Variants in PTPRG observed in about 807,000 individuals in gnomAD.
PTPRG encodes protein tyrosine phosphatase receptor type G.
PTPRG carries 102 observed loss-of-function variants against 165.3 expected under a neutral mutation model. That is an observed-to-expected ratio of 0.62 (90% CI 0.53 to 0.73). The LOEUF (loss-of-function observed/expected upper bound fraction) is 0.73. Among genes scored for constraint, PTPRG ranks in the 30% least tolerant of loss-of-function variants. PTPRG has a pLI of 0.00. For missense variants in PTPRG, 1,866 were observed against 1,861.4 expected (o/e 1.00, Z -0.05); for synonymous variants, 675 against 669.5 (o/e 1.01, Z -0.13).
chr3:62,287,499 T>C (rs1243830469), intron 28 of PTPRG, among the ~76,000 whole-genome samples: 1 of 151,868 alleles, frequency 6.6e-6, no homozygotes, highest in Admixed American at 6.6e-5. Context: ...GAAAATACAT[T>C]AATTCATGAA....
intron 1 of PTPRG, among the ~76,000 whole-genome samples, chr3:61,691,969 G>A (rs141530172): frequency 1.9e-3 from 287 of 152,240 alleles, no homozygotes; most frequent in African/African-American, 1.3e-3. Context: ...ATACATTTTC[G>A]GTTGCAGAGA....
At chr3:61,905,246 G>T (rs2038612201) in intron 2 of PTPRG, among the ~76,000 whole-genome samples, 1 of 152,178 alleles carries the variant, frequency 6.6e-6, no homozygotes, top group African/African-American at 2.4e-5. Context: ...GTAAACTGAG[G>T]TTAGGGACAT....
chr3:62,111,410 T>C (rs1173309894), intron 5 of PTPRG, among the ~76,000 whole-genome samples: 1 of 152,192 alleles, frequency 6.6e-6, no homozygotes, highest in African/African-American at 2.4e-5. Flanking sequence ...TTTAACATAA[T>C]AAAGGCTCTC....
At chr3:62,182,764 A>C (rs867221672) in intron 8 of PTPRG, among the ~76,000 whole-genome samples, 2 of 152,134 alleles carry the variant, frequency 1.3e-5, no homozygotes, top group Middle Eastern at 3.2e-3. Context: ...GGTTCAAGCA[A>C]TTCTGCCTCA....
At chr3:61,687,718 C>A (rs1398428813) in intron 1 of PTPRG, among the ~76,000 whole-genome samples, 1 of 152,212 alleles carries the variant, frequency 6.6e-6, no homozygotes, top group Non-Finnish European at 1.5e-5. Flanking sequence ...TAGACAAATT[C>A]TTTACATGCC....
chr3:61,728,427 TA>T (rs1443657137), intron 1 of PTPRG, among the ~76,000 whole-genome samples: 7 of 152,002 alleles, frequency 4.6e-5, no homozygotes, highest in African/African-American at 1.7e-4. Flanking sequence ...ACAAAAAAAT[TA>T]AAAAATTAGT....
chr3:61,993,200 G>T (rs1438222106), intron 3 of PTPRG, among the ~76,000 whole-genome samples: 9 of 148,488 alleles, frequency 6.1e-5, no homozygotes, highest in Middle Eastern at 3.2e-3. Context: ...AGTTTTTTTT[G>T]TTGTTGTTTG....
At chr3:62,188,728 C>T (rs1029707556) in intron 8 of PTPRG, among the ~76,000 whole-genome samples, 2 of 152,152 alleles carry the variant, frequency 1.3e-5, no homozygotes, top group African/African-American at 4.8e-5. Context: ...GAGAGGGATG[C>T]TTCCCCATAC....
At chr3:62,239,608 C>T (rs549118104) in intron 14 of PTPRG, among the ~76,000 whole-genome samples, 1 of 152,042 alleles carries the variant, frequency 6.6e-6, no homozygotes, top group Non-Finnish European at 1.5e-5. Context: ...GATCCACCCA[C>T]CTCGGCCTCC....
chr3:61,681,519 A>G (rs547606421), intron 1 of PTPRG, among the ~76,000 whole-genome samples: 28 of 152,300 alleles, frequency 1.8e-4, no homozygotes, highest in African/African-American at 5.5e-4. Context: ...AGCTCTTCAG[A>G]GGAAGCATTG....
chr3:61,942,066 G>A (rs757129324), intron 2 of PTPRG, among the ~76,000 whole-genome samples: 3 of 151,762 alleles, frequency 2.0e-5, no homozygotes, highest in Non-Finnish European at 2.9e-5. Flanking sequence ...GGCTGAGATA[G>A]GAGAGTCACT....
At chr3:61,742,373 A>G (rs1201559043) in intron 1 of PTPRG, 3 of 1,001,698 alleles carry the variant, frequency 3.0e-6, no homozygotes, top group East Asian at 2.6e-5. Flanking sequence ...GGACATTTTT[A>G]TAGGAAGAAA....
chr3:62,288,672 C>CA (rs781432160), intron 28 of PTPRG, among the ~76,000 whole-genome samples: 8,351 of 81,582 alleles, frequency 0.1, 258 homozygotes, highest in Middle Eastern at 0.18. Flanking sequence ...TACTCCGTCA[C>CA]AAAAAAAAAA....
At chr3:61,748,429 G>A (rs17065279) in intron 1 of PTPRG, among the ~76,000 whole-genome samples, 3,678 of 152,272 alleles carry the variant, frequency 0.024, 151 homozygotes, top group African/African-American at 0.083. Context: ...GAGCCCGAGG[G>A]TCTTTACACA....
chr3:61,987,098 A>G (rs890220409), intron 2 of PTPRG, among the ~76,000 whole-genome samples: 6 of 152,222 alleles, frequency 3.9e-5, no homozygotes, highest in Non-Finnish European at 7.3e-5. Flanking sequence ...CGATGTGAGA[A>G]TAGATAATCA....
chr3:62,106,318 C>G (rs1702470744), intron 5 of PTPRG, among the ~76,000 whole-genome samples: 1 of 152,126 alleles, frequency 6.6e-6, no homozygotes, highest in African/African-American at 2.4e-5. Context: ...TGTGGTACAT[C>G]TCAGCAGACA....
intron 1 of PTPRG, among the ~76,000 whole-genome samples, chr3:61,644,373 G>C (rs1016795961): frequency 6.6e-6 from 1 of 152,166 alleles, no homozygotes; most frequent in African/African-American, 2.4e-5. Flanking sequence ...TGTGTGTGAT[G>C]ATAGTGTTTC....
chr3:61,841,942 G>T (rs1430163422), intron 2 of PTPRG, among the ~76,000 whole-genome samples: 2 of 151,988 alleles, frequency 1.3e-5, no homozygotes, highest in South Asian at 4.1e-4. Context: ...AGAGAACTTG[G>T]GTCACCACAC....
chr3:61,743,185 G>T, intron 1 of PTPRG: 1 of 755,122 alleles, frequency 1.3e-6, no homozygotes, highest in South Asian at 1.5e-5. Flanking sequence ...CTGGAAATGA[G>T]GTAGGCTCAG....
Sources: gnomAD v4.1 joint callset for allele counts (sites outside exome capture counted in the v4.1 genomes callset) on GRCh38, gnomAD v4.1.1 for gene constraint, MANE v1.5 for transcripts, NCBI Gene and HGNC (gene_info 2026-07-23, HGNC 2026-07-21) for gene names.